Variants in GPC5 observed in about 807,000 individuals in gnomAD.
GPC5 encodes glypican 5, also known as glypican-5.
In GPC5, 47 loss-of-function variants were observed where a neutral mutation model predicts 53.9. The ratio of observed to expected loss-of-function variants is 0.87; its 90% CI spans 0.69 to 1.11. The LOEUF (loss-of-function observed/expected upper bound fraction) is 1.11. GPC5 is among the 50% of genes most tolerant of loss of function. The pLI is 0.00. For synonymous variants in GPC5, 286 were observed against 263.3 expected (o/e 1.09, Z -0.84); for missense variants, 748 against 713.1 (o/e 1.05, Z -0.56).
intron 7 of GPC5, among the ~76,000 whole-genome samples, chr13:92,338,794 C>T (rs1214193982): frequency 1.3e-5 from 2 of 151,912 alleles, no homozygotes; most frequent in African/African-American, 4.8e-5. Context: ...AATCATTTTG[C>T]ATAGTGCCCT....
At chr13:92,773,503 A>G (rs1875685455) in intron 7 of GPC5, among the ~76,000 whole-genome samples, 1 of 152,238 alleles carries the variant, frequency 6.6e-6, no homozygotes. Flanking sequence ...TTTCAGACAT[A>G]TCCAATGATT....
intron 7 of GPC5, among the ~76,000 whole-genome samples, chr13:92,858,492 C>T (rs778805361): frequency 3.9e-5 from 6 of 152,148 alleles, no homozygotes; most frequent in Non-Finnish European, 7.3e-5. Context: ...AAAAAAATGA[C>T]ATAGTGTCCT....
chr13:91,642,323 G>A (rs1400235743), intron 2 of GPC5, among the ~76,000 whole-genome samples: 1 of 152,188 alleles, frequency 6.6e-6, no homozygotes, highest in Non-Finnish European at 1.5e-5. Context: ...TTGGGAGAAG[G>A]AGGAGGAACA....
rs545374469 is a variant in GPC5, at chr13:92,604,381, G to T, written c.1562-261901G>T. Among the ~76,000 whole-genome samples, 5 of 151,996 alleles carry T rather than the reference G, an allele frequency of 3.3e-5. No homozygotes were observed. The South Asian group carries it at 1.0e-3, about 32-fold the overall frequency. On this transcript the variant is annotated intron_variant, in intron 7 of 7. Transcript: ENST00000377067. ...ACTCAATAAATGTTAAAAATATAAG[G>T]CTACACAAATAAAATAAAAGACATA...
At chr13:91,487,954 T>C (rs1401120705) in intron 2 of GPC5, among the ~76,000 whole-genome samples, 1 of 151,276 alleles carries the variant, frequency 6.6e-6, no homozygotes, top group Non-Finnish European at 1.5e-5. Context: ...ACGGGGATAC[T>C]TACAATATGA....
chr13:92,610,271 C>A (rs1822594919), intron 7 of GPC5, among the ~76,000 whole-genome samples: 1 of 151,858 alleles, frequency 6.6e-6, no homozygotes. Context: ...TTATTTTATC[C>A]TAGTAGAGTT....
intron 2 of GPC5, among the ~76,000 whole-genome samples, chr13:91,579,719 C>G (rs1045628271): frequency 1.3e-5 from 2 of 149,966 alleles, no homozygotes; most frequent in African/African-American, 4.9e-5. Context: ...ACTTCTGCCC[C>G]CTGGGTTCAA....
Position 92,365,219 on chromosome 13 carries a change from C to T in GPC5, c.1561+220230C>T, listed in dbSNP as rs61069735. Among the ~76,000 whole-genome samples, 1,504 of 151,730 alleles carry T rather than the reference C, an allele frequency of 9.9e-3. 73 individuals carry two copies. The highest frequency in any genetic ancestry group is 0.034 in the African/African-American group (1,402 of 41,038). On this transcript the variant is annotated intron_variant, in intron 7 of 7. Coordinates refer to ENST00000377067, the MANE Select transcript of GPC5 (RefSeq NM_004466.6). ...TAGCCTGTTGCTCCTATGTTACAAA[C>T]CTGCATAGTACGTTATTGTACTAAA...
At chr13:92,282,412 C>T (rs1346174190) in intron 7 of GPC5, among the ~76,000 whole-genome samples, 2 of 152,080 alleles carry the variant, frequency 1.3e-5, no homozygotes, top group African/African-American at 4.8e-5. Context: ...CAAAGATACT[C>T]CTTGAGAAGA....
chr13:91,481,280 T>G (rs543602936), intron 2 of GPC5, among the ~76,000 whole-genome samples: 8 of 152,356 alleles, frequency 5.3e-5, no homozygotes, highest in African/African-American at 1.9e-4. Context: ...AAATATTAGT[T>G]CAAATTAGTT....
At chr13:91,720,185 T>C (rs1262982647) in intron 3 of GPC5, among the ~76,000 whole-genome samples, 1 of 152,180 alleles carries the variant, frequency 6.6e-6, no homozygotes, top group Non-Finnish European at 1.5e-5. Context: ...TCTGCCTTCC[T>C]TCTCCAAAAT....
intron 7 of GPC5, among the ~76,000 whole-genome samples, chr13:92,474,113 T>C (rs778097075): frequency 1.8e-4 from 28 of 151,450 alleles, no homozygotes; most frequent in Non-Finnish European, 2.5e-4. Context: ...CTTTCTAGGA[T>C]ATGTGTTGCT....
At chr13:92,531,730 T>TA (rs1378227980) in intron 7 of GPC5, among the ~76,000 whole-genome samples, 1 of 152,192 alleles carries the variant, frequency 6.6e-6, no homozygotes, top group Non-Finnish European at 1.5e-5. Context: ...ACTGATATTC[T>TA]ATGCGTACTG....
At chr13:92,488,383 T>C (rs1879638438) in intron 7 of GPC5, among the ~76,000 whole-genome samples, 1 of 152,190 alleles carries the variant, frequency 6.6e-6, no homozygotes, top group Admixed American at 6.5e-5. Context: ...CCACTTCATT[T>C]CCAAAATGCC....
rs563669866 is a variant in GPC5 at position 91,629,452 on chromosome 13, G to T, written c.326-63735G>T. Among the ~76,000 whole-genome samples the T allele has an allele frequency of 2.7e-3, 406 of 152,148 alleles. 3 individuals carry two copies. The highest frequency in any genetic ancestry group is 9.2e-3 in the African/African-American group (383 of 41,524). ...GAGGTCAGGAGTTTGAGACCAGCTT[G>T]GCCAAAATGGTGAAACTCCGCCTCT... On this transcript the variant is annotated intron_variant, in intron 2 of 7. Transcript: ENST00000377067.
chr13:91,680,052 C>A (rs571967983), intron 2 of GPC5, among the ~76,000 whole-genome samples: 3 of 152,034 alleles, frequency 2.0e-5, no homozygotes, highest in Admixed American at 6.6e-5. Context: ...AGGAAAACAA[C>A]GTACTGTATT....
intron 7 of GPC5, among the ~76,000 whole-genome samples, chr13:92,702,110 G>A (rs931092457): frequency 6.6e-6 from 1 of 152,100 alleles, no homozygotes; most frequent in Non-Finnish European, 1.5e-5. Flanking sequence ...TGATCCTCCT[G>A]CCTCACAGTG....
chr13:92,363,585 G>A (rs1198690183), intron 7 of GPC5, among the ~76,000 whole-genome samples: 1 of 151,658 alleles, frequency 6.6e-6, no homozygotes, highest in African/African-American at 2.4e-5. Context: ...GATAATGCTT[G>A]CTTGTCTGCT....
chr13:91,471,636 T>C (rs1882637986), intron 2 of GPC5, among the ~76,000 whole-genome samples: 1 of 152,208 alleles, frequency 6.6e-6, no homozygotes, highest in Non-Finnish European at 1.5e-5. Flanking sequence ...TGAAGCTTGA[T>C]GTTCTCTTCC....
Sources: allele counts gnomAD v4.1 joint callset (sites outside exome capture counted in the v4.1 genomes callset), GRCh38; gene constraint gnomAD v4.1.1; transcripts MANE v1.5; gene names NCBI Gene and HGNC (gene_info 2026-07-23, HGNC 2026-07-21).